The following PRKAG2 variants were observed in gnomAD, a reference collection of about 807,000 sequenced individuals.
PRKAG2 encodes protein kinase AMP-activated non-catalytic subunit gamma 2, also known as 5'-AMP-activated protein kinase subunit gamma-2.
Under a neutral mutation model 69.6 loss-of-function variants are expected in PRKAG2, and 26 were observed. That is an observed-to-expected ratio of 0.37 (90% CI 0.27 to 0.52). PRKAG2 has a LOEUF of 0.52. Ranked by LOEUF, PRKAG2 falls within the 20% of genes least tolerant of loss-of-function variation. PRKAG2 has a pLI of 0.90. For missense variants in PRKAG2, 557 were observed against 740.0 expected (o/e 0.75, Z 2.87); for synonymous variants, 293 against 285.0 (o/e 1.03, Z -0.28).
chr7:151,830,213 ACT>A (rs2078993061), intron 1 of PRKAG2, among the ~76,000 whole-genome samples: 1 of 149,288 alleles, frequency 6.7e-6, no homozygotes, highest in Non-Finnish European at 1.5e-5. Context: ...CAGGCTTGAA[ACT>A]CTGTGCCTGG....
At chr7:151,620,566 T>C (rs892926287) in intron 5 of PRKAG2, among the ~76,000 whole-genome samples, 3 of 152,010 alleles carry the variant, frequency 2.0e-5, no homozygotes, top group African/African-American at 7.3e-5. Flanking sequence ...CAACCTCAAA[T>C]GGCCAGGCTC....
intron 1 of PRKAG2, among the ~76,000 whole-genome samples, chr7:151,829,842 G>C (rs957806484): frequency 6.6e-6 from 1 of 151,880 alleles, no homozygotes; most frequent in African/African-American, 2.4e-5. Flanking sequence ...GTTGACGGGG[G>C]GAAGCCAGGC....
At chr7:151,728,836 A>G (rs1798434300) in intron 3 of PRKAG2, among the ~76,000 whole-genome samples, 1 of 152,138 alleles carries the variant, frequency 6.6e-6, no homozygotes, top group Admixed American at 6.5e-5. Flanking sequence ...AGCCCCGTCC[A>G]CAGGCGATGC....
At chr7:151,624,515 C>T (rs73479374) in intron 5 of PRKAG2, among the ~76,000 whole-genome samples, 6,118 of 152,136 alleles carry the variant, frequency 0.04, 411 homozygotes, top group African/African-American at 0.14. Flanking sequence ...AGACTAGTTC[C>T]CTTCCCCCAA....
chr7:151,628,661 G>A (rs1472539689), intron 5 of PRKAG2, among the ~76,000 whole-genome samples: 1 of 150,814 alleles, frequency 6.6e-6, no homozygotes, highest in East Asian at 1.9e-4. Flanking sequence ...AGCTGAGATC[G>A]CATCACTGTA....
At chr7:151,585,921 C>T (rs1024827661) in intron 6 of PRKAG2, among the ~76,000 whole-genome samples, 1 of 152,184 alleles carries the variant, frequency 6.6e-6, no homozygotes, top group Middle Eastern at 3.2e-3. Flanking sequence ...GAGCTGCCGC[C>T]GCAGAGCCCA....
chr7:151,867,059 C>T (rs1284743293), intron 1 of PRKAG2, among the ~76,000 whole-genome samples: 3 of 152,114 alleles, frequency 2.0e-5, no homozygotes, highest in Admixed American at 1.3e-4. Flanking sequence ...GAGGAGGGGA[C>T]GCAAGGAAAG....
At position 151,720,054 on chromosome 7, in the gene PRKAG2, T is replaced by C. The variant is rs1047282310; in HGVS notation, c.467-44417A>G. Among the ~76,000 whole-genome samples the C allele has an allele frequency of 5.9e-4, 90 of 152,200 alleles. 1 individual carries two copies. The highest frequency in any genetic ancestry group is 1.8e-4 in the Non-Finnish European group (12 of 68,040). On this transcript the variant is annotated intron_variant, in intron 3 of 15. Transcript: ENST00000287878. ...TTAGGTCAGGGTGAGGCCTGGCCAC[T>C]AGCACTGGCCCAGGGGCGAGCCCTT...
intron 13 of PRKAG2, 48 bp from the exon 14 acceptor site, chr7:151,564,272 T>G (rs771610660): frequency 1.6e-5 from 26 of 1,602,518 alleles, no homozygotes; most frequent in African/African-American, 8.0e-5. Flanking sequence ...TTCAGTTCAC[T>G]TCAATGACCA....
intron 1 of PRKAG2, among the ~76,000 whole-genome samples, chr7:151,867,604 T>C (rs2080111729): frequency 6.6e-6 from 1 of 152,126 alleles, no homozygotes; most frequent in Admixed American, 6.5e-5. Context: ...AAAAACCCCA[T>C]CTCAAAGAAG....
chr7:151,661,065 T>C lies in PRKAG2; in HGVS notation c.684+14355A>G, dbSNP rs182001308. 3.5e-3 allele frequency among the ~76,000 whole-genome samples: 528 copies of C among 152,354 alleles called. 5 individuals are homozygous for C. Among genetic ancestry groups the C allele is most frequent in the African/African-American group, 0.012 (492 of 41,580 alleles). Reference sequence around the variant, plus strand: ...AGAACCAAATACTTCTCCAGATGTATGTGTTTTGAAAAATCAAATGCAAAG... The same window carrying C: ...AGAACCAAATACTTCTCCAGATGTACGTGTTTTGAAAAATCAAATGCAAAG... On this transcript the variant is annotated intron_variant, in intron 4 of 15. Transcript: ENST00000287878.
At chr7:151,854,021 A>G (rs1035631478) in intron 1 of PRKAG2, among the ~76,000 whole-genome samples, 2 of 151,838 alleles carry the variant, frequency 1.3e-5, no homozygotes, top group East Asian at 3.9e-4. Context: ...AGGCCTGTCC[A>G]CCCGCTGGGG....
intron 3 of PRKAG2, among the ~76,000 whole-genome samples, chr7:151,727,820 T>C (rs1388889692): frequency 6.6e-6 from 1 of 152,150 alleles, no homozygotes; most frequent in Non-Finnish European, 1.5e-5. Flanking sequence ...ATGAACTCAC[T>C]AGCATTAGCT....
At chr7:151,694,122 C>T (rs1023764304) in intron 3 of PRKAG2, among the ~76,000 whole-genome samples, 1 of 152,216 alleles carries the variant, frequency 6.6e-6, no homozygotes, top group Non-Finnish European at 1.5e-5. Context: ...GATCTGCCCG[C>T]CTCAGCCTCC....
At chr7:151,800,121 G>T (rs553589851) in intron 1 of PRKAG2, among the ~76,000 whole-genome samples, 1 of 151,962 alleles carries the variant, frequency 6.6e-6, no homozygotes, top group Non-Finnish European at 1.5e-5. Flanking sequence ...ACTTTGGGAG[G>T]CCGAGGTGGG....
chr7:151,627,755 T>C (rs962843647), intron 5 of PRKAG2, among the ~76,000 whole-genome samples: 2 of 152,188 alleles, frequency 1.3e-5, no homozygotes, highest in Non-Finnish European at 2.9e-5. Flanking sequence ...TGCAACCACA[T>C]GCGCTCGGGT....
intron 3 of PRKAG2, among the ~76,000 whole-genome samples, chr7:151,728,939 G>A (rs1405853132): frequency 6.6e-6 from 1 of 152,132 alleles, no homozygotes; most frequent in Non-Finnish European, 1.5e-5. Flanking sequence ...GCACTTGACC[G>A]TGACATCCAA....
At chr7:151,843,376 C>T (rs909687730) in intron 1 of PRKAG2, among the ~76,000 whole-genome samples, 1 of 152,118 alleles carries the variant, frequency 6.6e-6, no homozygotes, top group African/African-American at 2.4e-5. Context: ...GCCAACCATT[C>T]CTAAGGAATA....
intron 5 of PRKAG2, among the ~76,000 whole-genome samples, chr7:151,597,056 A>C (rs1814723552): frequency 6.6e-6 from 1 of 152,248 alleles, no homozygotes; most frequent in Non-Finnish European, 1.5e-5. Context: ...TAACCAAAAC[A>C]GCATGAAGCT....
Sources: gnomAD v4.1 joint callset for allele counts (sites outside exome capture counted in the v4.1 genomes callset) on GRCh38, gnomAD v4.1.1 for gene constraint, MANE v1.5 for transcripts, NCBI Gene and HGNC (gene_info 2026-07-23, HGNC 2026-07-21) for gene names.